Variants in FILIP1 observed in about 807,000 individuals in gnomAD.
FILIP1 encodes the protein filamin A interacting protein 1.
In FILIP1, 61 loss-of-function variants were observed where a neutral mutation model predicts 102.1. That is an observed-to-expected ratio of 0.60 (90% CI 0.49 to 0.74). The LOEUF (loss-of-function observed/expected upper bound fraction) is 0.74. Among genes scored for constraint, FILIP1 ranks in the 30% least tolerant of loss-of-function variants. The probability of loss-of-function intolerance (pLI) is 0.00; values close to 1 mark genes in which losing one functional copy is unlikely to be tolerated. For synonymous variants in FILIP1, 491 were observed against 526.9 expected (o/e 0.93, Z 0.93); for missense variants, 1,314 against 1,441.2 (o/e 0.91, Z 1.43).
chr6:75,363,061 T>C (rs559242347), intron 2 of FILIP1, 144 bp from the exon 3 acceptor site: 1 of 732,896 alleles, frequency 1.4e-6, no homozygotes, highest in African/African-American at 1.7e-5. Context: ...CTCTAATTTT[T>C]TTTTTTAACC....
At chr6:75,465,027 C>A (rs1421235046) in intron 1 of FILIP1, 2 of 155,230 alleles carry the variant, frequency 1.3e-5, no homozygotes, top group African/African-American at 4.8e-5. Context: ...AGCCTCCAGC[C>A]AGCCTTCTTG....
intron 4 of FILIP1, among the ~76,000 whole-genome samples, chr6:75,337,676 G>A (rs1774289176): frequency 6.6e-6 from 1 of 152,108 alleles, no homozygotes; most frequent in African/African-American, 2.4e-5. Context: ...TGGGGCAGAG[G>A]TGCATTCTTC....
At chr6:75,298,317 A>G (rs1175799139) in intron 6 of FILIP1, among the ~76,000 whole-genome samples, 1 of 152,210 alleles carries the variant, frequency 6.6e-6, no homozygotes, top group Non-Finnish European at 1.5e-5. Context: ...ATAATGCTAA[A>G]TAAGAGTTTA....
intron 1 of FILIP1, among the ~76,000 whole-genome samples, chr6:75,452,100 G>T (rs954445356): frequency 6.8e-6 from 1 of 146,760 alleles, no homozygotes; most frequent in Non-Finnish European, 1.5e-5. Context: ...TTCTACCAAA[G>T]TTTTTTTTTT....
chr6:75,294,152 T>C (rs1032023043), exon 7 of FILIP1: 3 of 152,212 alleles, frequency 2.0e-5, no homozygotes, highest in Non-Finnish European at 2.9e-5. Flanking sequence ...CAAGGTTACA[T>C]AGGGGAGGAA....
chr6:75,441,354 C>A (rs1011016879), intron 1 of FILIP1, among the ~76,000 whole-genome samples: 2 of 152,196 alleles, frequency 1.3e-5, no homozygotes, highest in African/African-American at 4.8e-5. Flanking sequence ...TAGTACAGAA[C>A]AAAATGAAGT....
intron 1 of FILIP1, among the ~76,000 whole-genome samples, chr6:75,433,457 T>G (rs1422383087): frequency 1.3e-5 from 2 of 152,264 alleles, no homozygotes; most frequent in African/African-American, 4.8e-5. Context: ...ATGTGTCTTT[T>G]GGCTGCATAA....
At chr6:75,341,977 G>T (rs1774434166) in intron 4 of FILIP1, among the ~76,000 whole-genome samples, 1 of 152,176 alleles carries the variant, frequency 6.6e-6, no homozygotes, top group East Asian at 1.9e-4. Context: ...TGTGAATGGG[G>T]CTATATATTC....
intron 1 of FILIP1, among the ~76,000 whole-genome samples, chr6:75,419,786 G>A (rs995106970): frequency 2.6e-5 from 4 of 152,252 alleles, no homozygotes; most frequent in Admixed American, 6.6e-5. Context: ...TCCTGTGTGC[G>A]TTATCTTATT....
chr6:75,490,782 T>C (rs986232638), intron 1 of FILIP1, among the ~76,000 whole-genome samples: 5 of 152,142 alleles, frequency 3.3e-5, no homozygotes, highest in African/African-American at 1.2e-4. Flanking sequence ...TAAAAGTGTT[T>C]ATAATTTTTC....
intron 1 of FILIP1, among the ~76,000 whole-genome samples, chr6:75,446,520 G>C (rs966193179): frequency 1.3e-5 from 2 of 152,150 alleles, no homozygotes; most frequent in Non-Finnish European, 2.9e-5. Context: ...TCCTGTGAAA[G>C]TGCTATGCAC....
At chr6:75,321,974 G>T (rs573111214) in intron 4 of FILIP1, among the ~76,000 whole-genome samples, 1 of 152,248 alleles carries the variant, frequency 6.6e-6, no homozygotes, top group Admixed American at 6.5e-5. Flanking sequence ...CAGATACAGA[G>T]AAAGAGGGAG....
intron 2 of FILIP1, among the ~76,000 whole-genome samples, chr6:75,377,617 C>A (rs1349601721): frequency 6.6e-6 from 1 of 152,168 alleles, no homozygotes; most frequent in Non-Finnish European, 1.5e-5. Flanking sequence ...GCACTGAAGG[C>A]AGGAGCCTCT....
intron 1 of FILIP1, among the ~76,000 whole-genome samples, chr6:75,427,849 G>A (rs988267465): frequency 2.6e-5 from 4 of 152,108 alleles, no homozygotes; most frequent in African/African-American, 9.7e-5. Flanking sequence ...GAATGGTGTT[G>A]AGAAATCAAG....
At chr6:75,302,676 C>A (rs1291664417) in intron 6 of FILIP1, among the ~76,000 whole-genome samples, 1 of 152,008 alleles carries the variant, frequency 6.6e-6, no homozygotes, top group African/African-American at 2.4e-5. Flanking sequence ...GTGTGGGGGT[C>A]CCGCCAAGGG....
At chr6:75,408,449 A>G (rs1776946750) in intron 2 of FILIP1, among the ~76,000 whole-genome samples, 1 of 152,236 alleles carries the variant, frequency 6.6e-6, no homozygotes, top group Admixed American at 6.5e-5. Flanking sequence ...ACTGGCAAAC[A>G]AAACAGCAAA....
intron 1 of FILIP1, among the ~76,000 whole-genome samples, chr6:75,483,187 G>A (rs1336044): frequency 0.3 from 45,789 of 152,046 alleles, 7,833 homozygotes; most frequent in East Asian, 0.46. Flanking sequence ...AATTAATTCC[G>A]TACATGCTAC....
intron 1 of FILIP1, among the ~76,000 whole-genome samples, chr6:75,430,619 A>C (rs562167411): frequency 2.6e-5 from 4 of 152,336 alleles, no homozygotes; most frequent in Non-Finnish European, 5.9e-5. Flanking sequence ...AAGCAAATTT[A>C]AAAAATAAAA....
intron 4 of FILIP1, among the ~76,000 whole-genome samples, chr6:75,337,040 T>C: frequency 6.6e-6 from 1 of 152,220 alleles, no homozygotes; most frequent in Non-Finnish European, 1.5e-5. Flanking sequence ...CAACAAATAC[T>C]TAATTGGTTG....
Sources: allele counts gnomAD v4.1 joint callset (sites outside exome capture counted in the v4.1 genomes callset), GRCh38; gene constraint gnomAD v4.1.1; transcripts MANE v1.5; gene names NCBI Gene and HGNC (gene_info 2026-07-23, HGNC 2026-07-21).